RNF146: variants seen among roughly 807,000 people sequenced by gnomAD.
RNF146 encodes ring finger protein 146, also known as E3 ubiquitin-protein ligase RNF146.
Under a neutral mutation model 29.7 loss-of-function variants are expected in RNF146, and 11 were observed. The observed-to-expected ratio is 0.37, with a 90% confidence interval of 0.23 to 0.61. The LOEUF (loss-of-function observed/expected upper bound fraction) is 0.61. Among genes scored for constraint, RNF146 ranks in the 20% least tolerant of loss-of-function variants. The pLI, the probability that RNF146 is intolerant of heterozygous loss-of-function variation, is 0.66. For synonymous variants in RNF146, 150 were observed against 159.7 expected (o/e 0.94, Z 0.46); for missense variants, 342 against 438.9 (o/e 0.78, Z 1.97).
At chr6:127,282,537 T>A (rs1779041927) in intron 2 of RNF146, 1 of 151,792 alleles carries the variant, frequency 6.6e-6, no homozygotes, top group South Asian at 2.1e-4. Flanking sequence ...ATTCTGAATT[T>A]TGGTGAATGT....
At position 127,274,128 on chromosome 6, in the gene RNF146, T is replaced by A. The variant is rs573378849; in HGVS notation, c.-108-6103T>A. Among the ~76,000 whole-genome samples, 14 of 152,260 alleles carry A rather than the reference T, an allele frequency of 9.2e-5. No individual in the cohort carries two copies. The East Asian group carries it at 2.7e-3, about 29-fold the overall frequency. ...TTGAATTTAATCATTAGTCTTCAAA[T>A]AAGGAAAGCAGAATGAGAGAATGCA... On this transcript the variant is annotated intron_variant, in intron 1 of 2. Coordinates refer to ENST00000368314, the MANE Select transcript of RNF146 (RefSeq NM_001242850.2).
At chr6:127,271,624 T>C (rs931819348) in intron 1 of RNF146, among the ~76,000 whole-genome samples, 8 of 152,180 alleles carry the variant, frequency 5.3e-5, no homozygotes, top group African/African-American at 1.9e-4. Context: ...GCACTTGACA[T>C]GTATCCAGTC....
chr6:127,286,749 C>T lies in RNF146; in HGVS notation c.136C>T (p.His46Tyr), dbSNP rs1333471657. 1.9e-6 allele frequency: 3 copies of T among 1,613,232 alleles called. No individual in the cohort carries two copies. Among genetic ancestry groups the T allele is most frequent in the Admixed American group, 1.7e-5 (1 of 59,914 alleles). The change falls in exon 3 of 3, where the codon CAT (histidine) becomes TAT (tyrosine). Residue 46 changes from histidine (H) to tyrosine (Y), a missense_variant. Physicochemically the swap from His to Tyr is moderately conservative, Grantham distance 83. Around this residue, in one of 6 missense-constraint regions of RNF146, gnomAD observed 27 missense variants for 66.0 expected, o/e 0.41. Transcript: ENST00000368314. This position sits in a 1 kb window ranked among gnomAD's most constrained non-coding sequence, Gnocchi z 4.6. ...TGCCATTTGTCTGCAAACATGTGTT[C>T]ATCCAGTCAGTCTGCCCTGTAAGCA... ...ECAICLQTCV[H>Y]PVSLPCKHVF...
At position 127,287,371 on chromosome 6, in the gene RNF146, G is replaced by C. The variant is rs752716075; in HGVS notation, c.758G>C (p.Ser253Thr). The change falls in exon 3 of 3, where the codon AGT becomes ACT. Residue 253 changes from serine to threonine, a missense_variant. Physicochemically the swap from Ser to Thr is moderately conservative, Grantham distance 58 (BLOSUM62 1). Transcript: ENST00000368314. Reference sequence around the variant, plus strand: ...GACTCTTTTGCTCATTTACAACTCAGTGGAGACAACACAGCTGAAAGGAGT... The same window carrying C: ...GACTCTTTTGCTCATTTACAACTCACTGGAGACAACACAGCTGAAAGGAGT... ...LEDSFAHLQL[S>T]GDNTAERSHR... The C allele has an allele frequency of 1.2e-6, 2 of 1,613,328 alleles. No individual in the cohort carries two copies. The highest frequency in any genetic ancestry group is 4.5e-5 in the East Asian group (2 of 44,846).
chr6:127,283,205 A>C (rs760499243), intron 2 of RNF146, among the ~76,000 whole-genome samples: 7 of 151,764 alleles, frequency 4.6e-5, no homozygotes, highest in Non-Finnish European at 3.0e-5. Context: ...TTTATACTTA[A>C]AAGTTGGAAT....
chr6:127,285,603 T>C (rs973048510), intron 2 of RNF146, among the ~76,000 whole-genome samples: 2 of 149,224 alleles, frequency 1.3e-5, no homozygotes, highest in Non-Finnish European at 3.0e-5. Flanking sequence ...ACAATAAGGC[T>C]TTCATGACTT....
intron 2 of RNF146, chr6:127,285,115 T>G: frequency 3.0e-6 from 2 of 658,022 alleles, no homozygotes; most frequent in Non-Finnish European, 3.8e-6. Context: ...ATTAAACATT[T>G]TAGTGATCAG....
At chr6:127,274,126 A>T (rs1022425597) in intron 1 of RNF146, among the ~76,000 whole-genome samples, 1 of 152,154 alleles carries the variant, frequency 6.6e-6, no homozygotes, top group African/African-American at 2.4e-5. Flanking sequence ...TTAGTCTTCA[A>T]ATAAGGAAAG....
At chr6:127,268,368 G>A (rs986758954) in intron 1 of RNF146, among the ~76,000 whole-genome samples, 1 of 152,206 alleles carries the variant, frequency 6.6e-6, no homozygotes, top group Non-Finnish European at 1.5e-5. Context: ...TGGAGAAAAT[G>A]TCCCACACAG....
intron 1 of RNF146, among the ~76,000 whole-genome samples, chr6:127,276,613 G>A (rs984216038): frequency 1.1e-4 from 17 of 151,992 alleles, no homozygotes; most frequent in African/African-American, 4.1e-4. Context: ...ACTGGATAAA[G>A]GAAAGGAGAT....
intron 1 of RNF146, among the ~76,000 whole-genome samples, chr6:127,273,040 A>T (rs920654734): frequency 2.0e-5 from 3 of 147,924 alleles, no homozygotes; most frequent in African/African-American, 7.5e-5. Context: ...GGTGTGTACC[A>T]GGTAATTTAA....
At chr6:127,282,422 A>T (rs543173743) in intron 2 of RNF146, 3 of 151,630 alleles carry the variant, frequency 2.0e-5, no homozygotes, top group Non-Finnish European at 4.4e-5. Context: ...TTTTCAGCTC[A>T]GATTTATTCT....
At chr6:127,273,002 G>T (rs1363141153) in intron 1 of RNF146, among the ~76,000 whole-genome samples, 1 of 152,152 alleles carries the variant, frequency 6.6e-6, no homozygotes, top group African/African-American at 2.4e-5. Flanking sequence ...CTGAAATGAT[G>T]GGTAACTGCA....
At position 127,286,138 on chromosome 6, in the gene RNF146, T is replaced by G. The variant is rs78336185; in HGVS notation, c.3-478T>G. ...TTTAGTGATTACAAAGCACTTTTTT[T>G]GTCCATTTTTACCTGAGCTTTGTAA... On this transcript the variant is annotated intron_variant, in intron 2 of 2. Transcript: ENST00000368314. The surrounding 1 kb of genome is among the most constrained non-coding windows in gnomAD (Gnocchi z 4.6). 4.9e-6 allele frequency: 6 copies of G among 1,230,984 alleles called. No individual in the cohort carries two copies. The highest frequency in any genetic ancestry group is 4.1e-6 in the Non-Finnish European group (4 of 987,530). 76.3% of individuals were successfully genotyped at this position (1,230,984 alleles called of 1,614,324 possible).
intron 2 of RNF146, among the ~76,000 whole-genome samples, chr6:127,284,646 A>C (rs1582898137): frequency 1.3e-5 from 2 of 152,082 alleles, no homozygotes; most frequent in South Asian, 4.1e-4. Context: ...TGGCTATTTT[A>C]AAAACATATG....
At chr6:127,267,198 G>A (rs1473173618) in intron 1 of RNF146, 1 of 152,384 alleles carries the variant, frequency 6.6e-6, no homozygotes, top group African/African-American at 2.4e-5. Flanking sequence ...TGGCTGCTGG[G>A]GCAGGCAAGA....
At chr6:127,269,049 A>G (rs1027104366) in intron 1 of RNF146, among the ~76,000 whole-genome samples, 2 of 152,212 alleles carry the variant, frequency 1.3e-5, no homozygotes, top group East Asian at 1.9e-4. Flanking sequence ...AATAGAAGGT[A>G]CTGAGCCTTT....
At chr6:127,273,579 T>A (rs1003425212) in intron 1 of RNF146, among the ~76,000 whole-genome samples, 10 of 151,878 alleles carry the variant, frequency 6.6e-5, no homozygotes, top group Admixed American at 5.9e-4. Flanking sequence ...TTCCAACATA[T>A]TTATTGAAAA....
intron 1 of RNF146, among the ~76,000 whole-genome samples, chr6:127,271,662 A>AT (rs2114422001): frequency 3.3e-5 from 5 of 152,354 alleles, no homozygotes; most frequent in African/African-American, 1.2e-4. Context: ...TAAGTGTAAA[A>AT]TACACACTGG....
Sources: gnomAD v4.1 joint callset for allele counts (sites outside exome capture counted in the v4.1 genomes callset) on GRCh38, gnomAD v4.1.1 for gene constraint, gnomAD v4.1.1 regional missense constraint, Gnocchi (gnomAD v3.1) non-coding constraint, MANE v1.5 for transcripts, NCBI Gene and HGNC (gene_info 2026-07-23, HGNC 2026-07-21) for gene names.